The following SHC3 variants were observed in gnomAD, a reference collection of about 807,000 sequenced individuals.
SHC3 encodes the protein SHC-transforming protein 3.
In SHC3, 15 loss-of-function variants were observed where a neutral mutation model predicts 60.4. That is an observed-to-expected ratio of 0.25 (90% CI 0.17 to 0.38). SHC3 has a LOEUF of 0.38. SHC3 is among the 10% of genes least tolerant of loss of function. SHC3 has a pLI of 1.00. For missense variants in SHC3, 677 were observed against 786.1 expected, an observed-to-expected ratio of 0.86 and a Z score of 1.66; for synonymous variants, 294 against 325.9, an observed-to-expected ratio of 0.90 and a Z score of 1.05.
At chr9:89,138,720 CCCTTTTCTAAGA>C (rs1201960566) in intron 1 of SHC3, among the ~76,000 whole-genome samples, 1 of 152,172 alleles carries the variant, frequency 6.6e-6, no homozygotes, top group African/African-American at 2.4e-5. Context: ...TTTCCCCTCT[CCCTTTTCTAAGA>C]GAACCCTTAA....
At chr9:89,026,947 C>T (rs148683065) in intron 11 of SHC3, among the ~76,000 whole-genome samples, 60 of 152,288 alleles carry the variant, frequency 3.9e-4, no homozygotes, top group Middle Eastern at 3.4e-3. Context: ...TTTCTAGTTC[C>T]GAGCTACTGA....
chr9:89,025,542 C>CA (rs1460383268), intron 11 of SHC3, among the ~76,000 whole-genome samples: 1 of 151,912 alleles, frequency 6.6e-6, no homozygotes, highest in African/African-American at 2.4e-5. Context: ...CACATCCTCT[C>CA]AGCCAAGGCC....
chr9:89,170,690 G>A (rs977665082), intron 1 of SHC3, among the ~76,000 whole-genome samples: 2 of 151,972 alleles, frequency 1.3e-5, no homozygotes, highest in African/African-American at 4.8e-5. Context: ...AATACAGTTG[G>A]CCCTCCAAAT....
chr9:89,065,715 A>T, intron 5 of SHC3, 135 bp from the exon 6 acceptor site: 2 of 845,844 alleles, frequency 2.4e-6, no homozygotes, highest in Non-Finnish European at 3.8e-6. Context: ...GCTGCCTAAG[A>T]AACAGCCCCC....
rs751994745 is a variant in SHC3 at position 89,062,377 on chromosome 9, C to A, written c.835+3152G>T. On this transcript the variant is annotated intron_variant, in intron 6 of 11. Transcript: ENST00000375835. Reference sequence around the variant, plus strand: ...CATGGCTCATTTTCCACCCTTATCTCTTTGAGATGGTGGTGGTGGTGGTTA... The same window carrying A: ...CATGGCTCATTTTCCACCCTTATCTATTTGAGATGGTGGTGGTGGTGGTTA... Among the ~76,000 whole-genome samples the A allele has an allele frequency of 6.7e-4, 102 of 152,312 alleles. No individual in the cohort carries two copies. The Middle Eastern group carries it at 0.01, about 15-fold the overall frequency.
intron 11 of SHC3, among the ~76,000 whole-genome samples, chr9:89,018,972 T>G (rs1220975190): frequency 6.6e-6 from 1 of 151,148 alleles, no homozygotes; most frequent in Non-Finnish European, 1.5e-5. Context: ...GGCAGGAAAG[T>G]CGCTTGAACC....
chr9:89,072,811 T>C (rs1825296099), intron 4 of SHC3, among the ~76,000 whole-genome samples: 1 of 152,198 alleles, frequency 6.6e-6, no homozygotes, highest in Non-Finnish European at 1.5e-5. Context: ...TCAGGATTTA[T>C]ATAGCTATAA....
At chr9:89,048,798 G>A (rs1035057040) in intron 7 of SHC3, among the ~76,000 whole-genome samples, 2 of 152,192 alleles carry the variant, frequency 1.3e-5, no homozygotes, top group African/African-American at 2.4e-5. Flanking sequence ...CCTGCTGGAG[G>A]AGCGGAGCTG....
chr9:89,176,535 C>A (rs1172472475), intron 1 of SHC3, among the ~76,000 whole-genome samples: 1 of 152,190 alleles, frequency 6.6e-6, no homozygotes, highest in Non-Finnish European at 1.5e-5. Context: ...TATGCTAACA[C>A]CCCAGAAGTA....
intron 7 of SHC3, among the ~76,000 whole-genome samples, chr9:89,047,856 C>G (rs901042395): frequency 6.6e-6 from 1 of 152,128 alleles, no homozygotes; most frequent in Non-Finnish European, 1.5e-5. Context: ...ACCATATGAC[C>G]ACAGAATTTC....
intron 11 of SHC3, among the ~76,000 whole-genome samples, chr9:89,027,466 G>A (rs1299505546): frequency 3.9e-5 from 6 of 151,910 alleles, no homozygotes; most frequent in African/African-American, 1.2e-4. Flanking sequence ...ACAGGCACCT[G>A]CCACCTCACC....
chr9:89,079,313 C>A (rs1395083020), intron 2 of SHC3, among the ~76,000 whole-genome samples: 1 of 152,128 alleles, frequency 6.6e-6, no homozygotes, highest in African/African-American at 2.4e-5. Flanking sequence ...ACTATATAAA[C>A]CCATTATCTA....
intron 2 of SHC3, among the ~76,000 whole-genome samples, chr9:89,093,605 A>G (rs1003284596): frequency 6.6e-6 from 1 of 152,010 alleles, no homozygotes; most frequent in African/African-American, 2.4e-5. Flanking sequence ...AACAAAGGAA[A>G]TTAAACCAGC....
At chr9:89,132,571 A>G (rs1443026532) in intron 1 of SHC3, among the ~76,000 whole-genome samples, 1 of 152,194 alleles carries the variant, frequency 6.6e-6, no homozygotes, top group African/African-American at 2.4e-5. Flanking sequence ...GATATAGACC[A>G]ATGGAACAGA....
At chr9:89,151,173 G>A (rs768412115) in intron 1 of SHC3, among the ~76,000 whole-genome samples, 8 of 151,900 alleles carry the variant, frequency 5.3e-5, no homozygotes, top group Non-Finnish European at 1.0e-4. Context: ...CATGTGACAC[G>A]GTGCCTGGCT....
intron 1 of SHC3, among the ~76,000 whole-genome samples, chr9:89,174,145 A>G (rs576344439): frequency 4.1e-4 from 62 of 152,328 alleles, no homozygotes; most frequent in Non-Finnish European, 6.6e-4. Context: ...CACTTTGTCA[A>G]GTGAAAAAAA....
chr9:89,055,793 G>A (rs1315139971), intron 6 of SHC3, among the ~76,000 whole-genome samples: 1 of 152,206 alleles, frequency 6.6e-6, no homozygotes, highest in Non-Finnish European at 1.5e-5. Flanking sequence ...CCTTCTCTAA[G>A]TCACAGTTAT....
At chr9:89,047,686 A>G (rs1345149530) in intron 7 of SHC3, among the ~76,000 whole-genome samples, 1 of 152,188 alleles carries the variant, frequency 6.6e-6, no homozygotes, top group Non-Finnish European at 1.5e-5. Flanking sequence ...CAAAACCACA[A>G]CCAGAGACCA....
chr9:89,100,570 T>A (rs1177053219), intron 2 of SHC3, among the ~76,000 whole-genome samples: 1 of 152,170 alleles, frequency 6.6e-6, no homozygotes, highest in African/African-American at 2.4e-5. Context: ...GTAACTATCA[T>A]CAAATCAAGA....
Sources: gnomAD v4.1 joint callset for allele counts (sites outside exome capture counted in the v4.1 genomes callset) on GRCh38, gnomAD v4.1.1 for gene constraint, MANE v1.5 for transcripts, NCBI Gene and HGNC (gene_info 2026-07-23, HGNC 2026-07-21) for gene names.